The following CMTM8 variants were observed in gnomAD, a reference collection of about 807,000 sequenced individuals.
CMTM8 encodes the protein CKLF-like MARVEL transmembrane domain-containing protein 8.
Under a neutral mutation model 18.6 loss-of-function variants are expected in CMTM8, and 12 were observed. The ratio of observed to expected loss-of-function variants is 0.65; its 90% CI spans 0.41 to 1.05. The LOEUF (loss-of-function observed/expected upper bound fraction) is 1.05. CMTM8 is among the 50% of genes least tolerant of loss of function. The probability of loss-of-function intolerance (pLI) is 0.00; values close to 1 mark genes in which losing one functional copy is unlikely to be tolerated. For synonymous variants in CMTM8, 87 were observed against 90.6 expected (o/e 0.96, Z 0.23); for missense variants, 217 against 227.2 (o/e 0.95, Z 0.29).
At chr3:32,267,041 A>T (rs1383792810) in intron 1 of CMTM8, among the ~76,000 whole-genome samples, 1 of 152,156 alleles carries the variant, frequency 6.6e-6, no homozygotes, top group Non-Finnish European at 1.5e-5. Context: ...TAATTTATAG[A>T]TTCAATGCCA....
At chr3:32,320,161 A>G (rs367868706) in intron 1 of CMTM8, among the ~76,000 whole-genome samples, 91 of 152,370 alleles carry the variant, frequency 6.0e-4, no homozygotes, top group African/African-American at 2.0e-3. Flanking sequence ...ATATGCTCAC[A>G]CAAAAACTGT....
intron 1 of CMTM8, among the ~76,000 whole-genome samples, chr3:32,277,563 T>G (rs1324094513): frequency 6.6e-6 from 1 of 151,884 alleles, no homozygotes; most frequent in East Asian, 1.9e-4. Context: ...GGGACTGCAT[T>G]TGAGGGTGAT....
intron 1 of CMTM8, among the ~76,000 whole-genome samples, chr3:32,342,977 C>G (rs758710634): frequency 2.6e-5 from 4 of 152,198 alleles, no homozygotes; most frequent in Non-Finnish European, 5.9e-5. Flanking sequence ...TTCAGGTAGA[C>G]TGACTCCACA....
At position 32,241,921 on chromosome 3, in the gene CMTM8, G is replaced by T. The variant is rs568215270; in HGVS notation, c.147+2802G>T. Among the ~76,000 whole-genome samples the T allele has an allele frequency of 2.0e-5, 3 of 152,156 alleles. No individual in the cohort carries two copies. The East Asian group carries it at 5.8e-4, about 29-fold the overall frequency. ...TTTAGTCACTAATTTAACCCTAGTT[G>T]TTTAAGTCTCCTATCAAGAAGCTGA... On this transcript the variant is annotated intron_variant, in intron 1 of 3. Transcript: ENST00000307526.
chr3:32,248,917 G>GATTACAGTC (rs1304549206), intron 1 of CMTM8, among the ~76,000 whole-genome samples: 3 of 151,014 alleles, frequency 2.0e-5, no homozygotes, highest in Non-Finnish European at 4.4e-5. Flanking sequence ...CACAGTACTG[G>GATTACAGTC]ATTACAGTCA....
Position 32,239,139 on chromosome 3 carries a change from G to C in CMTM8, c.147+20G>C. The C allele has an allele frequency of 2.5e-6, 4 of 1,580,762 alleles. No homozygotes were observed. The highest frequency in any genetic ancestry group is 3.4e-6 in the Non-Finnish European group (4 of 1,164,154). On this transcript the variant is annotated intron_variant, in intron 1 of 3. Coordinates refer to ENST00000307526, the MANE Select transcript of CMTM8 (RefSeq NM_178868.5). ...GAGATCGTGAGTGCCGACGGGCCGG[G>C]GGTGGCGGGGGGCTCAGCTGGACCC...
chr3:32,348,462 T>C (rs1362087138), intron 1 of CMTM8, among the ~76,000 whole-genome samples: 1 of 151,820 alleles, frequency 6.6e-6, no homozygotes, highest in Non-Finnish European at 1.5e-5. Flanking sequence ...TCTTGAGTTA[T>C]CTGATTTGAG....
chr3:32,264,588 T>G (rs546594755), intron 1 of CMTM8, among the ~76,000 whole-genome samples: 2 of 152,258 alleles, frequency 1.3e-5, no homozygotes, highest in South Asian at 4.2e-4. Context: ...CAGGATCAAA[T>G]TCACACATAA....
chr3:32,330,771 G>A (rs1371653187), intron 1 of CMTM8, among the ~76,000 whole-genome samples: 1 of 152,154 alleles, frequency 6.6e-6, no homozygotes, highest in Non-Finnish European at 1.5e-5. Flanking sequence ...AAATGGTTGG[G>A]AAAACTGGAT....
intron 3 of CMTM8, 41 bp downstream of exon 3, chr3:32,368,029 C>A: frequency 7.3e-7 from 1 of 1,361,588 alleles, no homozygotes; most frequent in Non-Finnish European, 1.1e-6. Flanking sequence ...CCTCTTCCCT[C>A]TCCAAGGCTT....
intron 1 of CMTM8, among the ~76,000 whole-genome samples, chr3:32,280,749 C>T (rs750501831): frequency 6.7e-5 from 10 of 149,898 alleles, no homozygotes; most frequent in Non-Finnish European, 1.5e-4. Context: ...TCTGGCCATA[C>T]CTGGGTCATC....
intron 1 of CMTM8, among the ~76,000 whole-genome samples, chr3:32,263,456 C>T (rs1480585844): frequency 1.3e-5 from 2 of 152,106 alleles, no homozygotes; most frequent in African/African-American, 4.8e-5. Flanking sequence ...CTGTACGTCA[C>T]CATCATCAAA....
At chr3:32,298,319 G>T (rs1011388663) in intron 1 of CMTM8, among the ~76,000 whole-genome samples, 1 of 148,112 alleles carries the variant, frequency 6.8e-6, no homozygotes, top group African/African-American at 2.4e-5. Flanking sequence ...CAATCCACCC[G>T]CATTGGCCTC....
At position 32,259,770 on chromosome 3, in the gene CMTM8, G is replaced by A; in HGVS notation, c.147+20651G>A. ...TACTGGTCTCAGCAGATTGAGGAGA[G>A]CACCACAGTGGTCACCACACAGTCC... On this transcript the variant is annotated intron_variant, in intron 1 of 3. Transcript: ENST00000307526. 4 of 876,774 alleles carry A rather than the reference G, an allele frequency of 4.6e-6. No individual in the cohort carries two copies. The Admixed American group carries it at 6.8e-5, about 15-fold the overall frequency. The allele number at this position is 876,774 out of a possible 1,614,324, so 54.3% of individuals were successfully genotyped here.
chr3:32,265,422 C>T (rs1702324075), intron 1 of CMTM8, among the ~76,000 whole-genome samples: 1 of 152,130 alleles, frequency 6.6e-6, no homozygotes, highest in South Asian at 2.1e-4. Context: ...AAAGAGACAA[C>T]ATACCAGAAT....
chr3:32,311,517 T>C (rs997000940), intron 1 of CMTM8, among the ~76,000 whole-genome samples: 2 of 152,224 alleles, frequency 1.3e-5, no homozygotes, highest in Non-Finnish European at 2.9e-5. Flanking sequence ...GACTCGTTTT[T>C]CACCTTTGTG....
chr3:32,354,079 C>T (rs894126423), intron 1 of CMTM8, among the ~76,000 whole-genome samples: 10 of 151,940 alleles, frequency 6.6e-5, no homozygotes, highest in Middle Eastern at 3.4e-3. Flanking sequence ...CCACCATGCC[C>T]GGCTCACTGT....
At chr3:32,305,230 G>T (rs1447630154) in intron 1 of CMTM8, among the ~76,000 whole-genome samples, 1 of 136,868 alleles carries the variant, frequency 7.3e-6, no homozygotes, top group Non-Finnish European at 1.6e-5. Context: ...AATGACTGGA[G>T]GCTTTTTTTT....
Position 32,319,074 on chromosome 3 carries a change from A to ATATATATATATATTTTT in CMTM8, c.148-38298_148-38297insATATATATATATTTTTT. On this transcript the variant is annotated intron_variant, in intron 1 of 3. Transcript: ENST00000307526. ...TGTATATACATATATATATATATAT[A>ATATATATATATATTTTT]TTTTTTTTTTTTTTTTTTTTTGAGA... Among the ~76,000 whole-genome samples the ATATATATATATATTTTT allele has an allele frequency of 1.0e-3, 33 of 31,520 alleles. 1 individual carries two copies. The highest frequency in any genetic ancestry group is 3.8e-3 in the African/African-American group (25 of 6,548). The allele number at this position is 31,520 out of a possible 152,430, so 20.7% of individuals were successfully genotyped here. A position where few individuals can be genotyped will look rare whatever the true frequency, so the allele number is the denominator to read the frequency against.
Sources: allele counts gnomAD v4.1 joint callset (sites outside exome capture counted in the v4.1 genomes callset), GRCh38; gene constraint gnomAD v4.1.1; transcripts MANE v1.5; gene names NCBI Gene and HGNC (gene_info 2026-07-23, HGNC 2026-07-21).